Variants in CACNA2D3 observed in about 807,000 individuals in gnomAD.
CACNA2D3 encodes the protein calcium voltage-gated channel auxiliary subunit alpha2delta 3, also known as voltage-dependent calcium channel subunit alpha-2/delta-3.
In CACNA2D3, 60 loss-of-function variants were observed where a neutral mutation model predicts 160.6. That is an observed-to-expected ratio of 0.37 (90% CI 0.30 to 0.46). The LOEUF is 0.46. CACNA2D3 is among the 20% of genes least tolerant of loss of function. CACNA2D3 has a pLI of 1.00. For synonymous variants in CACNA2D3, 558 were observed against 492.9 expected (o/e 1.13, Z -1.75); for missense variants, 1,205 against 1,365.0 (o/e 0.88, Z 1.85).
intron 4 of CACNA2D3, among the ~76,000 whole-genome samples, chr3:54,460,383 G>A (rs1050246150): frequency 6.6e-6 from 1 of 152,228 alleles, no homozygotes; most frequent in East Asian, 1.9e-4. Context: ...CCATTTTCAC[G>A]ATATTGATTC....
intron 35 of CACNA2D3, among the ~76,000 whole-genome samples, chr3:55,061,306 G>A (rs1704500014): frequency 6.6e-6 from 1 of 152,218 alleles, no homozygotes; most frequent in Admixed American, 6.5e-5. Context: ...CCACACTGGT[G>A]AAACGGAGCA....
intron 11 of CACNA2D3, among the ~76,000 whole-genome samples, chr3:54,649,896 C>G (rs560873210): frequency 6.6e-6 from 1 of 152,314 alleles, no homozygotes; most frequent in Non-Finnish European, 1.5e-5. Context: ...TTGTGTTACA[C>G]TTTAGGGAGT....
At chr3:54,660,257 T>A (rs1699944478) in intron 11 of CACNA2D3, among the ~76,000 whole-genome samples, 1 of 151,904 alleles carries the variant, frequency 6.6e-6, no homozygotes, top group Non-Finnish European at 1.5e-5. Flanking sequence ...GCCTCCCAAG[T>A]TCAGGCCATT....
At chr3:54,327,662 A>G (rs956045149) in intron 3 of CACNA2D3, among the ~76,000 whole-genome samples, 3 of 152,012 alleles carry the variant, frequency 2.0e-5, no homozygotes, top group Non-Finnish European at 4.4e-5. Flanking sequence ...ATTCATCGTG[A>G]AAGAGAAAAG....
At chr3:54,466,814 T>A (rs1279950441) in intron 4 of CACNA2D3, among the ~76,000 whole-genome samples, 1 of 152,126 alleles carries the variant, frequency 6.6e-6, no homozygotes, top group African/African-American at 2.4e-5. Flanking sequence ...CCTTCAAAAC[T>A]TTGGGACAGT....
At position 54,581,804 on chromosome 3, in the gene CACNA2D3, A is replaced by G. The variant is rs1320733630; in HGVS notation, c.890A>G (p.Tyr297Cys). Residue 297 changes from tyrosine (Y) to cysteine (C), a missense_variant and splice_region_variant, in exon 9 of 38, where the codon TAT becomes TGT. Transcript: ENST00000474759. ...GDDDFFNIIA[Y>C]NEELHYVEPC... is the part of the protein sequence containing the mutation. ...CTTCTTGACTTTTTTCCTTTGCAGT[A>G]TAATGAGGAGCTTCACTATGTGGAA... 1 of 1,613,134 alleles carries G rather than the reference A, an allele frequency of 6.2e-7. No individual in the cohort carries two copies. Among genetic ancestry groups the G allele is most frequent in the Non-Finnish European group, 8.5e-7 (1 of 1,179,444 alleles).
At chr3:54,747,462 A>C (rs1183682682) in intron 11 of CACNA2D3, among the ~76,000 whole-genome samples, 2 of 152,168 alleles carry the variant, frequency 1.3e-5, no homozygotes, top group Non-Finnish European at 2.9e-5. Context: ...TCATAGGATA[A>C]TGGAATGGAC....
intron 27 of CACNA2D3, among the ~76,000 whole-genome samples, chr3:54,929,032 T>A (rs576790809): frequency 6.6e-6 from 1 of 152,286 alleles, no homozygotes; most frequent in African/African-American, 2.4e-5. Context: ...TGTAACTGTG[T>A]GTACGCTTTT....
At chr3:54,244,361 G>A (rs1001986810) in intron 2 of CACNA2D3, among the ~76,000 whole-genome samples, 1 of 152,252 alleles carries the variant, frequency 6.6e-6, no homozygotes, top group Non-Finnish European at 1.5e-5. Flanking sequence ...ATAGCAATTA[G>A]TTGAATGAGA....
At chr3:54,301,722 G>A (rs1175411600) in intron 2 of CACNA2D3, among the ~76,000 whole-genome samples, 1 of 152,092 alleles carries the variant, frequency 6.6e-6, no homozygotes, top group Non-Finnish European at 1.5e-5. Context: ...GCAGGCACAT[G>A]TGCACACATG....
At chr3:54,633,041 C>A (rs987077485) in intron 10 of CACNA2D3, among the ~76,000 whole-genome samples, 1 of 152,032 alleles carries the variant, frequency 6.6e-6, no homozygotes, top group Non-Finnish European at 1.5e-5. Flanking sequence ...GCTGCCAGGG[C>A]CAGGACTAAG....
chr3:54,350,992 T>G (rs867236676), intron 3 of CACNA2D3, among the ~76,000 whole-genome samples: 11,905 of 110,850 alleles, frequency 0.11, 854 homozygotes, highest in African/African-American at 0.15. Context: ...GTTTGTTTTT[T>G]TTTTTTTTTT....
At chr3:54,988,729 C>A (rs1702672209) in intron 31 of CACNA2D3, among the ~76,000 whole-genome samples, 2 of 152,166 alleles carry the variant, frequency 1.3e-5, no homozygotes, top group South Asian at 4.1e-4. Flanking sequence ...ACAAGACCAA[C>A]TGAGCACTTT....
intron 13 of CACNA2D3, among the ~76,000 whole-genome samples, chr3:54,767,895 A>G (rs926459825): frequency 1.3e-5 from 2 of 151,986 alleles, no homozygotes; most frequent in African/African-American, 4.8e-5. Flanking sequence ...ACATGTCCTT[A>G]CTGATAATAA....
rs974655175 is a variant in CACNA2D3 at position 54,694,698 on chromosome 3, T to C, written c.1167+52457T>C. Among the ~76,000 whole-genome samples, 2 of 152,182 alleles carry C rather than the reference T, an allele frequency of 1.3e-5. 1 individual carries two copies. The highest frequency in any genetic ancestry group is 1.3e-4 in the Admixed American group (2 of 15,284). On this transcript the variant is annotated intron_variant, in intron 11 of 37. Coordinates refer to ENST00000474759, the MANE Select transcript of CACNA2D3 (RefSeq NM_018398.3). The stretch of plus-strand genomic sequence containing the variant: ...CTCTTTTGAAAAAGTGCCTGAGGTA[T>C]TGCTAGCTGTATTTGGGTTCCTTCC...
intron 11 of CACNA2D3, among the ~76,000 whole-genome samples, chr3:54,676,208 C>A (rs905154023): frequency 6.6e-6 from 1 of 152,206 alleles, no homozygotes; most frequent in African/African-American, 2.4e-5. Flanking sequence ...ATCTTAGCCC[C>A]TTTCCTCCCC....
intron 4 of CACNA2D3, among the ~76,000 whole-genome samples, chr3:54,420,253 T>A (rs1343852013): frequency 2.6e-5 from 4 of 152,030 alleles, no homozygotes; most frequent in Non-Finnish European, 5.9e-5. Context: ...CCCAGCTAAT[T>A]TTTGTATTTT....
At chr3:54,566,404 T>C (rs1201666267) in intron 6 of CACNA2D3, among the ~76,000 whole-genome samples, 3 of 152,352 alleles carry the variant, frequency 2.0e-5, no homozygotes, top group East Asian at 1.9e-4. Flanking sequence ...CAGTCATCCC[T>C]TTTCCTGTGA....
chr3:54,191,055 A>G (rs1265452446), intron 2 of CACNA2D3, among the ~76,000 whole-genome samples: 1 of 152,054 alleles, frequency 6.6e-6, no homozygotes, highest in African/African-American at 2.4e-5. Context: ...AGCAAAAAAA[A>G]AAAAAAAAAA....
Sources: gnomAD v4.1 joint callset for allele counts (sites outside exome capture counted in the v4.1 genomes callset) on GRCh38, gnomAD v4.1.1 for gene constraint, MANE v1.5 for transcripts, NCBI Gene and HGNC (gene_info 2026-07-23, HGNC 2026-07-21) for gene names.